GCKR: variants seen among roughly 807,000 people sequenced by gnomAD.
GCKR encodes the protein glucokinase regulator, also known as glucokinase regulatory protein.
GCKR carries 73 observed loss-of-function variants against 82.9 expected under a neutral mutation model. The observed-to-expected ratio is 0.88, with a 90% CI of 0.73 to 1.07. The LOEUF (loss-of-function observed/expected upper bound fraction) is 1.07, where lower values mean the gene tolerates loss of function less well. GCKR is among the 50% of genes least tolerant of loss of function. The pLI, the probability that GCKR is intolerant of heterozygous loss-of-function variation, is 0.00. For missense variants in GCKR, 784 were observed against 782.1 expected (o/e 1.00, Z -0.03); for synonymous variants, 294 against 291.8 (o/e 1.01, Z -0.08).
At chr2:27,499,538 C>A in intron 7 of GCKR, 88 bp downstream of exon 7, 1 of 1,000,740 alleles carries the variant, frequency 1.0e-6, no homozygotes, top group Non-Finnish European at 1.6e-6. Context: ...TCAATGAGAT[C>A]GGTGCTAGAA....
At chr2:27,512,612 C>A (rs193150990) in intron 16 of GCKR, among the ~76,000 whole-genome samples, 2 of 151,648 alleles carry the variant, frequency 1.3e-5, no homozygotes, top group Admixed American at 6.6e-5. Flanking sequence ...CCTCTAAGAA[C>A]AAGGGCATTC....
At position 27,499,449 on chromosome 2, in the gene GCKR, C is replaced by T. The variant is rs151082324; in HGVS notation, c.548C>T (p.Ser183Phe). 697 of 1,604,998 alleles carry T rather than the reference C, an allele frequency of 4.3e-4. 2 individuals carry two copies. Among genetic ancestry groups the T allele is most frequent in the Non-Finnish European group, 5.5e-4 (646 of 1,171,826 alleles). The change falls in exon 7 of 19, where the codon TCT becomes TTT. Residue 183 changes from serine (S) to phenylalanine (F), a missense_variant and splice_region_variant. Ser to Phe is a radical substitution (Grantham distance 155). Transcript: ENST00000264717. ...VIVIGISVGL[S>F]APFVAGQMDC... ...GTCATTGGCATTTCTGTGGGACTCT[C>T]TGTGAGTAAAAAGATGGGTTGAGTG...
At position 27,522,564 on chromosome 2, in the gene GCKR, C is replaced by T. The variant is rs773331191; in HGVS notation, c.1677C>T (p.Cys559=). ...SDDIRAAPIS[C]HVQVAHEKEQ... Reference sequence around the variant, plus strand: ...ATATTCGGGCTGCTCCCATCTCCTGCCATGTCCAGGTTGCACATGAGAAGG... The same window carrying T: ...ATATTCGGGCTGCTCCCATCTCCTGTCATGTCCAGGTTGCACATGAGAAGG... Residue 559 remains cysteine (C), a synonymous_variant, in exon 18 of 19, where the codon TGC becomes TGT. Coordinates refer to ENST00000264717, the MANE Select transcript of GCKR (RefSeq NM_001486.4). 4 of 1,613,958 alleles carry T rather than the reference C, an allele frequency of 2.5e-6. No individual in the cohort carries two copies. The South Asian group carries it at 3.3e-5, about 13-fold the overall frequency.
At chr2:27,510,336 A>G (rs1669852496) in intron 16 of GCKR, among the ~76,000 whole-genome samples, 2 of 152,180 alleles carry the variant, frequency 1.3e-5, no homozygotes, top group South Asian at 4.1e-4. Context: ...TGTCAATGTA[A>G]TATTCCACTG....
At position 27,496,844 on chromosome 2, in the gene GCKR, G is replaced by T; in HGVS notation, c.-61G>T. On this transcript the variant is annotated 5_prime_UTR_variant, in exon 1 of 19. Coordinates refer to ENST00000264717, the MANE Select transcript of GCKR (RefSeq NM_001486.4). ...TGCCAACTGGAAGCAGAGTCATTGT[G>T]ACCAGAGGGGTTTGTGTGGCTGAAG... 1.5e-6 allele frequency: 2 copies of T among 1,375,102 alleles called. No homozygotes were observed. The highest frequency in any genetic ancestry group is 2.3e-5 in the South Asian group (2 of 86,350). The allele number at this position is 1,375,102 out of a possible 1,614,324, so 85.2% of individuals were successfully genotyped here.
intron 4 of GCKR, 66 bp downstream of exon 4, chr2:27,498,389 G>T (rs1193707150): frequency 7.9e-7 from 1 of 1,260,898 alleles, no homozygotes; most frequent in Non-Finnish European, 1.2e-6. Context: ...GGACCATAAA[G>T]ATCATCATAA....
At chr2:27,499,480 AT>A in intron 7 of GCKR, 30 bp downstream of exon 7, 2 of 1,431,086 alleles carry the variant, frequency 1.4e-6, no homozygotes, top group Non-Finnish European at 2.0e-6. Context: ...GAGTGGATCA[AT>A]TTTAGAGAGA....
At chr2:27,518,568 C>T (rs1553342306) in intron 16 of GCKR, among the ~76,000 whole-genome samples, 1 of 152,164 alleles carries the variant, frequency 6.6e-6, no homozygotes, top group Non-Finnish European at 1.5e-5. Flanking sequence ...ACCTAGGGGT[C>T]AAAAACACAA....
intron 16 of GCKR, 24 bp downstream of exon 16, chr2:27,508,275 T>C: frequency 7.0e-7 from 1 of 1,423,206 alleles, no homozygotes; most frequent in South Asian, 1.1e-5. Context: ...GAAGGTCCTA[T>C]CTGCAGTAAG....
At chr2:27,497,055 C>T in intron 1 of GCKR, 91 bp downstream of exon 1, 2 of 1,251,986 alleles carry the variant, frequency 1.6e-6, no homozygotes, top group East Asian at 4.6e-5. Context: ...CTGCTCACCT[C>T]TTCTTCCTTC....
chr2:27,517,529 C>T (rs749057223), intron 16 of GCKR, among the ~76,000 whole-genome samples: 7 of 152,108 alleles, frequency 4.6e-5, no homozygotes, highest in Admixed American at 6.5e-5. Context: ...GGGGAACGCC[C>T]CCTGCCCCCC....
chr2:27,500,481 T>A (rs1297684653), intron 7 of GCKR, among the ~76,000 whole-genome samples: 1 of 152,210 alleles, frequency 6.6e-6, no homozygotes, highest in Non-Finnish European at 1.5e-5. Context: ...TGTTTACATA[T>A]GGTCTAAGGC....
chr2:27,519,581 C>T (rs8179237), intron 17 of GCKR, among the ~76,000 whole-genome samples: 4,020 of 152,222 alleles, frequency 0.026, 172 homozygotes, highest in African/African-American at 0.092. Flanking sequence ...GGATTACAGG[C>T]GTGAGTCACT....
chr2:27,512,099 C>T (rs1669896591), intron 16 of GCKR, among the ~76,000 whole-genome samples: 3 of 151,748 alleles, frequency 2.0e-5, no homozygotes, highest in South Asian at 2.1e-4. Flanking sequence ...ATTAGCCAGG[C>T]GTGGTGGCTT....
chr2:27,506,479 A>G lies in GCKR; in HGVS notation c.870-2A>G. The G allele has an allele frequency of 6.2e-7, 1 of 1,610,482 alleles. No homozygotes were observed. Among genetic ancestry groups the G allele is most frequent in the Non-Finnish European group, 8.5e-7 (1 of 1,176,724 alleles). ...CTTGAGAGCTGGTGGCTTTTCTCCC[A>G]GATGCCTCCTGGAAATCTTGCGGAC... On this transcript the variant is annotated splice_acceptor_variant, in intron 10 of 18. Coordinates refer to ENST00000264717, the MANE Select transcript of GCKR (RefSeq NM_001486.4). LOFTEE classifies it high-confidence loss of function.
In GCKR at chr2:27,503,448, C is replaced by T. The variant is rs1217068003; in HGVS notation, c.645-66C>T. On this transcript the variant is annotated intron_variant, in intron 8 of 18. Coordinates refer to ENST00000264717, the MANE Select transcript of GCKR (RefSeq NM_001486.4). Reference sequence around the variant, plus strand: ...CAATGCAGTCTTTGATCATGACTCCCAGCTGAGGCCCTTCTTTGAGATCCT... The same window carrying T: ...CAATGCAGTCTTTGATCATGACTCCTAGCTGAGGCCCTTCTTTGAGATCCT... 4.7e-6 allele frequency: 4 copies of T among 853,670 alleles called. No homozygotes were observed. In the African/African-American group the frequency reaches 5.0e-5, roughly 11 times the overall value. 52.9% of individuals were successfully genotyped at this position (853,670 alleles called of 1,614,324 possible).
chr2:27,507,682 G>A lies in GCKR; in HGVS notation c.1145G>A (p.Gly382Asp), dbSNP rs753343946. 2 of 1,575,558 alleles carry A rather than the reference G, an allele frequency of 1.3e-6. No individual in the cohort carries two copies. The highest frequency in any genetic ancestry group is 8.7e-7 in the Non-Finnish European group (1 of 1,145,568). Reference sequence around the variant, plus strand: ...CCCTCCCATCTTCTTCTGCCCCAGGGTCCCCAGTTCACCTTCTCCCAGGAG... The same window carrying A: ...CCCTCCCATCTTCTTCTGCCCCAGGATCCCCAGTTCACCTTCTCCCAGGAG... ...FNQKAELTNQ[G>D]PQFTFSQEDF... The change falls in exon 14 of 19, where the codon GGT (glycine) becomes GAT (aspartate). Residue 382 changes from glycine to aspartate, a missense_variant and splice_region_variant. By Grantham distance (94) the Gly-to-Asp change is moderately conservative (BLOSUM62 -1). Coordinates refer to ENST00000264717, the MANE Select transcript of GCKR (RefSeq NM_001486.4).
intron 12 of GCKR, 91 bp downstream of exon 12, chr2:27,506,976 G>A: frequency 1.1e-6 from 1 of 892,022 alleles, no homozygotes; most frequent in East Asian, 2.4e-5. Flanking sequence ...CCAACCCATG[G>A]GTGTTCCTCA....
rs745688921 is a variant in GCKR, at chr2:27,523,256, C to G, written c.1708-13C>G. 1.2e-6 allele frequency: 2 copies of G among 1,611,004 alleles called. No homozygotes were observed. Among genetic ancestry groups the G allele is most frequent in the Non-Finnish European group, 1.7e-6 (2 of 1,178,810 alleles). Reference sequence around the variant, plus strand: ...TCCCTCAGGCTTCAGTGCCCACTGCCTCTTCCCCACAGGTGATACCCATCG... The same window carrying G: ...TCCCTCAGGCTTCAGTGCCCACTGCGTCTTCCCCACAGGTGATACCCATCG... On this transcript the variant is annotated splice_polypyrimidine_tract_variant and intron_variant, in intron 18 of 18. Transcript: ENST00000264717.
Sources: allele counts gnomAD v4.1 joint callset (sites outside exome capture counted in the v4.1 genomes callset), GRCh38; gene constraint gnomAD v4.1.1; transcripts MANE v1.5; gene names NCBI Gene and HGNC (gene_info 2026-07-23, HGNC 2026-07-21).